Variants in ANKS1B observed in about 807,000 individuals in gnomAD.
ANKS1B encodes ankyrin repeat and sterile alpha motif domain containing 1B.
A neutral mutation model predicts 148.3 loss-of-function variants in ANKS1B; 36 were observed. The ratio of observed to expected loss-of-function variants is 0.24; its 90% CI spans 0.19 to 0.32. The LOEUF is 0.32. Among genes scored for constraint, ANKS1B ranks in the 10% least tolerant of loss-of-function variants. The probability of loss-of-function intolerance (pLI) is 1.00; values close to 1 mark genes in which losing one functional copy is unlikely to be tolerated. For synonymous variants in ANKS1B, 542 were observed against 560.8 expected, an observed-to-expected ratio of 0.97 and a Z score of 0.47; for missense variants, 1,157 against 1,542.6, an observed-to-expected ratio of 0.75 and a Z score of 4.19.
At chr12:99,525,906 A>C (rs560176128) in intron 9 of ANKS1B, among the ~76,000 whole-genome samples, 20 of 152,188 alleles carry the variant, frequency 1.3e-4, no homozygotes, top group African/African-American at 4.3e-4. Flanking sequence ...AAATTTGGGA[A>C]AATTCTTTGA....
chr12:98,927,143 T>G (rs1425001500), intron 17 of ANKS1B, among the ~76,000 whole-genome samples: 1 of 152,050 alleles, frequency 6.6e-6, no homozygotes, highest in African/African-American at 2.4e-5. Context: ...CTCATTGAGT[T>G]CAAGGGATCC....
At chr12:99,627,991 C>T (rs1342656596) in intron 9 of ANKS1B, among the ~76,000 whole-genome samples, 1 of 152,128 alleles carries the variant, frequency 6.6e-6, no homozygotes, top group Non-Finnish European at 1.5e-5. Context: ...GATGAGGATA[C>T]ATTTTGAGAA....
chr12:99,571,740 C>T (rs2097458080), intron 9 of ANKS1B, among the ~76,000 whole-genome samples: 1 of 151,960 alleles, frequency 6.6e-6, no homozygotes, highest in Admixed American at 6.6e-5. Flanking sequence ...ATTTCTATAG[C>T]CAAGTCATTA....
At chr12:99,248,656 T>C (rs1386574988) in intron 12 of ANKS1B, among the ~76,000 whole-genome samples, 1 of 152,196 alleles carries the variant, frequency 6.6e-6, no homozygotes, top group Non-Finnish European at 1.5e-5. Context: ...CTCCAAAGAC[T>C]AGAGTTTATC....
intron 9 of ANKS1B, among the ~76,000 whole-genome samples, chr12:99,590,277 C>CAT (rs2097689450): frequency 6.6e-6 from 1 of 151,406 alleles, no homozygotes; most frequent in African/African-American, 2.4e-5. Context: ...CACACACACA[C>CAT]ACACACACAC....
At chr12:98,857,418 G>A (rs982231665) in intron 17 of ANKS1B, among the ~76,000 whole-genome samples, 20 of 152,184 alleles carry the variant, frequency 1.3e-4, no homozygotes, top group African/African-American at 4.6e-4. Flanking sequence ...AGGCTAGAGA[G>A]AGAGAACTGA....
intron 14 of ANKS1B, among the ~76,000 whole-genome samples, chr12:99,200,349 A>C (rs1249305123): frequency 6.6e-6 from 1 of 152,240 alleles, no homozygotes; most frequent in Admixed American, 6.5e-5. Flanking sequence ...TTACAGGTTA[A>C]TTAGCGCATT....
intron 8 of ANKS1B, among the ~76,000 whole-genome samples, chr12:99,704,801 A>C (rs2055457550): frequency 6.6e-6 from 1 of 152,094 alleles, no homozygotes; most frequent in Non-Finnish European, 1.5e-5. Flanking sequence ...AAATTAGAGG[A>C]AATTTCATAA....
At chr12:99,758,293 A>T (rs2153603816) in intron 8 of ANKS1B, among the ~76,000 whole-genome samples, 1 of 152,092 alleles carries the variant, frequency 6.6e-6, no homozygotes, top group South Asian at 2.1e-4. Flanking sequence ...CACAAAGTAT[A>T]CTTCAATAGG....
intron 11 of ANKS1B, among the ~76,000 whole-genome samples, chr12:99,432,289 C>A (rs532434497): frequency 9.8e-5 from 15 of 152,296 alleles, no homozygotes; most frequent in Admixed American, 4.6e-4. Context: ...AAGACTTCAC[C>A]TATCTAATGC....
At chr12:98,874,020 AT>A (rs1443419381) in intron 17 of ANKS1B, among the ~76,000 whole-genome samples, 3 of 152,144 alleles carry the variant, frequency 2.0e-5, no homozygotes, top group Non-Finnish European at 4.4e-5. Flanking sequence ...CTGTGAAAAG[AT>A]GGCTTCAGAT....
At chr12:99,626,147 A>G (rs2098111112) in intron 9 of ANKS1B, among the ~76,000 whole-genome samples, 1 of 152,212 alleles carries the variant, frequency 6.6e-6, no homozygotes, top group African/African-American at 2.4e-5. Flanking sequence ...AACAGGTTAC[A>G]TGAAGAACTA....
chr12:99,256,614 T>C (rs998753133), intron 12 of ANKS1B, among the ~76,000 whole-genome samples: 1 of 152,232 alleles, frequency 6.6e-6, no homozygotes, highest in African/African-American at 2.4e-5. Context: ...TATTTTACTC[T>C]CATTTATTTA....
At chr12:99,286,482 CAG>C (rs1310695913) in intron 12 of ANKS1B, among the ~76,000 whole-genome samples, 3 of 152,052 alleles carry the variant, frequency 2.0e-5, no homozygotes, top group Admixed American at 2.0e-4. Flanking sequence ...GCATTCCCAG[CAG>C]CTGTGGCCTT....
intron 17 of ANKS1B, among the ~76,000 whole-genome samples, chr12:98,874,551 A>C (rs2099682601): frequency 6.6e-6 from 1 of 152,166 alleles, no homozygotes; most frequent in South Asian, 2.1e-4. Flanking sequence ...GGTGACACTA[A>C]GGCTCCTGTT....
At chr12:99,139,938 C>A (rs565116882) in intron 15 of ANKS1B, among the ~76,000 whole-genome samples, 2 of 152,142 alleles carry the variant, frequency 1.3e-5, no homozygotes, top group South Asian at 4.1e-4. Context: ...ATAAAAGATG[C>A]AGATTTGAAA....
At position 99,718,946 on chromosome 12, in the gene ANKS1B, A is replaced by C. The variant is rs115878963; in HGVS notation, c.1128+53976T>G. 5.1e-3 allele frequency among the ~76,000 whole-genome samples: 736 copies of C among 144,892 alleles called. 6 individuals are homozygous for C. The highest frequency in any genetic ancestry group is 0.017 in the African/African-American group (693 of 40,580). ...ACCAATCTTGGCATAATTCTTATAA[A>C]AACACACACGTGCTCTCCCTGCTGA... On this transcript the variant is annotated intron_variant, in intron 8 of 26. Coordinates refer to ENST00000683438, the MANE Select transcript of ANKS1B (RefSeq NM_001352186.2).
downstream of ANKS1B, among the ~76,000 whole-genome samples, chr12:98,740,741 C>CGT (rs2097794347): frequency 1.3e-5 from 2 of 152,200 alleles, no homozygotes; most frequent in Admixed American, 1.3e-4. Flanking sequence ...CTAAAACTAA[C>CGT]AATTGCAGCC....
At chr12:98,994,251 CT>C (rs1353959222) in intron 17 of ANKS1B, among the ~76,000 whole-genome samples, 1 of 152,072 alleles carries the variant, frequency 6.6e-6, no homozygotes, top group Non-Finnish European at 1.5e-5. Context: ...AATTTGTGAC[CT>C]TATTAAGTTC....
Sources: gnomAD v4.1 joint callset for allele counts (sites outside exome capture counted in the v4.1 genomes callset) on GRCh38, gnomAD v4.1.1 for gene constraint, MANE v1.5 for transcripts, NCBI Gene and HGNC (gene_info 2026-07-23, HGNC 2026-07-21) for gene names.